ZNF451: variants seen among roughly 807,000 people sequenced by gnomAD.
The protein encoded by ZNF451 is E3 SUMO-protein ligase ZNF451.
ZNF451 carries 80 observed loss-of-function variants against 107.1 expected under a neutral mutation model. The observed-to-expected ratio is 0.75, with a 90% CI of 0.62 to 0.90. The LOEUF (loss-of-function observed/expected upper bound fraction) is 0.90. ZNF451 is among the 40% of genes least tolerant of loss of function. The probability of loss-of-function intolerance (pLI) is 0.00; values close to 1 mark genes in which losing one functional copy is unlikely to be tolerated. For missense variants in ZNF451, 1,107 were observed against 1,236.2 expected (o/e 0.90, Z 1.57); for synonymous variants, 362 against 406.5 (o/e 0.89, Z 1.32).
rs549236629 is a variant in ZNF451 at position 57,123,851 on chromosome 6, C to T, written c.187-883C>T. Among the ~76,000 whole-genome samples, 3 of 152,170 alleles carry T rather than the reference C, an allele frequency of 2.0e-5. No individual in the cohort carries two copies. The South Asian group carries it at 6.2e-4, about 32-fold the overall frequency. On this transcript the variant is annotated intron_variant, in intron 3 of 14. Coordinates refer to ENST00000370706, the MANE Select transcript of ZNF451 (RefSeq NM_001031623.3). ...TGCTGATATATATGAAATCAGTTGACTTGTGTATTAACCTTGTATCCTGCA... is the reference window on the plus strand; with the variant it reads ...TGCTGATATATATGAAATCAGTTGATTTGTGTATTAACCTTGTATCCTGCA...
At chr6:57,116,815 T>C (rs1465808564) in intron 3 of ZNF451, 1 of 151,442 alleles carries the variant, frequency 6.6e-6, no homozygotes, top group African/African-American at 2.4e-5. Flanking sequence ...AAGAAGAAAA[T>C]AGAACCAGGC....
At chr6:57,118,248 A>G (rs2127954471) in intron 3 of ZNF451, among the ~76,000 whole-genome samples, 1 of 151,746 alleles carries the variant, frequency 6.6e-6, no homozygotes, top group East Asian at 1.9e-4. Context: ...AGTAATTTAT[A>G]CCTTGTCCAC....
chr6:57,164,161 C>T (rs920703056), intron 14 of ZNF451, among the ~76,000 whole-genome samples: 1 of 152,170 alleles, frequency 6.6e-6, no homozygotes, highest in Non-Finnish European at 1.5e-5. Context: ...AATCTAGTTC[C>T]TTGTACTTGA....
intron 13 of ZNF451, among the ~76,000 whole-genome samples, chr6:57,155,163 T>G (rs1026423051): frequency 1.8e-4 from 28 of 152,272 alleles, no homozygotes; most frequent in Middle Eastern, 3.4e-3. Context: ...TCTGTGGCTT[T>G]CTTTTTTCTT....
intron 11 of ZNF451, 109 bp from the exon 12 acceptor site, chr6:57,152,112 T>C: frequency 1.0e-6 from 1 of 969,754 alleles, no homozygotes; most frequent in South Asian, 1.8e-5. Context: ...TCTGATCTAG[T>C]ACTTTGCCTC....
intron 5 of ZNF451, among the ~76,000 whole-genome samples, chr6:57,131,716 A>G (rs778705368): frequency 6.6e-6 from 1 of 152,210 alleles, no homozygotes; most frequent in Non-Finnish European, 1.5e-5. Context: ...TTAAGGGAAT[A>G]ATTCTATTTA....
In ZNF451 at chr6:57,142,109, T is replaced by C. The variant is rs1292633376; in HGVS notation, c.1004+14T>C. On this transcript the variant is annotated intron_variant, in intron 9 of 14. Transcript: ENST00000370706. ...TGCCCATTTCAGGTTTGTATTGGTC[T>C]GGAGCTGTAAAGGAATACGGATGAG... 2 of 1,595,074 alleles carry C rather than the reference T, an allele frequency of 1.3e-6. No homozygotes were observed. The highest frequency in any genetic ancestry group is 2.2e-5 in the East Asian group (1 of 44,526).
chr6:57,106,073 A>C (rs933941218), intron 3 of ZNF451: 1 of 985,228 alleles, frequency 1.0e-6, no homozygotes, highest in African/African-American at 1.7e-5. Flanking sequence ...GACCTGATTG[A>C]TAATGTCCTT....
intron 9 of ZNF451, among the ~76,000 whole-genome samples, chr6:57,145,094 A>G (rs1831996566): frequency 6.6e-6 from 1 of 152,226 alleles, no homozygotes; most frequent in African/African-American, 2.4e-5. Flanking sequence ...CTTTTGAAAT[A>G]TATTAAATGT....
At chr6:57,097,814 C>T (rs187364107) in intron 2 of ZNF451, among the ~76,000 whole-genome samples, 1 of 152,214 alleles carries the variant, frequency 6.6e-6, no homozygotes, top group Admixed American at 6.5e-5. Context: ...TACTTCAGCC[C>T]ATAGGAATGT....
At chr6:57,135,076 G>A (rs545124768) in intron 7 of ZNF451, among the ~76,000 whole-genome samples, 1 of 152,172 alleles carries the variant, frequency 6.6e-6, no homozygotes, top group African/African-American at 2.4e-5. Context: ...AGCAGTCCTA[G>A]AGATTATCAT....
intron 2 of ZNF451, among the ~76,000 whole-genome samples, chr6:57,098,763 A>G (rs933831500): frequency 1.3e-4 from 20 of 152,236 alleles, no homozygotes; most frequent in African/African-American, 4.8e-4. Flanking sequence ...CTGGATTATA[A>G]TATTTGTGTC....
intron 3 of ZNF451, among the ~76,000 whole-genome samples, chr6:57,113,786 T>C (rs1304656808): frequency 1.3e-5 from 2 of 151,996 alleles, no homozygotes; most frequent in South Asian, 4.1e-4. Context: ...CACACCCGGC[T>C]GATTTTTTGT....
Position 57,148,167 on chromosome 6 carries a change from T to C in ZNF451, c.2082T>C (p.Tyr694=), listed in dbSNP as rs367925465. ...SHYEEHHSID[Y]VFVSEKTETS... ...ATGAGGAGCACCACAGCATAGATTA[T>C]GTATTTGTGTCAGAAAAAACTGAAA... Residue 694 remains tyrosine, a synonymous_variant, in exon 10 of 15, where the codon TAT becomes TAC. Transcript: ENST00000370706. 1.9e-6 allele frequency: 3 copies of C among 1,614,096 alleles called. No homozygotes were observed. Among genetic ancestry groups the C allele is most frequent in the Non-Finnish European group, 2.5e-6 (3 of 1,179,986 alleles).
At chr6:57,128,572 A>G (rs1831036310) in intron 4 of ZNF451, among the ~76,000 whole-genome samples, 157 bp from the exon 5 acceptor site, 1 of 152,148 alleles carries the variant, frequency 6.6e-6, no homozygotes, top group Non-Finnish European at 1.5e-5. Flanking sequence ...TAGAGCGTGC[A>G]TTTTTATTTT....
chr6:57,129,846 C>T (rs1014223170), intron 5 of ZNF451, among the ~76,000 whole-genome samples: 1 of 152,004 alleles, frequency 6.6e-6, no homozygotes, highest in African/African-American at 2.4e-5. Flanking sequence ...GGGGTTTATA[C>T]GTGGCCAACA....
rs186035209 is a variant in ZNF451, at chr6:57,126,834, T to G, written c.313-1895T>G. 2.0e-4 allele frequency among the ~76,000 whole-genome samples: 30 copies of G among 152,344 alleles called. No individual in the cohort carries two copies. In the East Asian group the frequency reaches 5.4e-3, roughly 27 times the overall value. On this transcript the variant is annotated intron_variant, in intron 4 of 14. Coordinates refer to ENST00000370706, the MANE Select transcript of ZNF451 (RefSeq NM_001031623.3). ...TAGGATGATTTCAATAAGTGTTTTT[T>G]GAGCATTGACTATGCATGTTCATAG...
In ZNF451 at chr6:57,097,815, A is replaced by G. The variant is rs9475776; in HGVS notation, c.106-1246A>G. 4.5e-3 allele frequency among the ~76,000 whole-genome samples: 678 copies of G among 152,240 alleles called. 5 individuals carry two copies. Among genetic ancestry groups the G allele is most frequent in the African/African-American group, 0.016 (657 of 41,532 alleles). On this transcript the variant is annotated intron_variant, in intron 2 of 14. Coordinates refer to ENST00000370706, the MANE Select transcript of ZNF451 (RefSeq NM_001031623.3). ...CTGTGTACCACTGTTACTTCAGCCC[A>G]TAGGAATGTCAGCTTTCTGTTTCTG...
chr6:57,120,101 T>C (rs1490937247), intron 3 of ZNF451, among the ~76,000 whole-genome samples: 2 of 152,186 alleles, frequency 1.3e-5, no homozygotes, highest in Non-Finnish European at 2.9e-5. Context: ...TTGACTATCC[T>C]GTCAGTCACT....
Sources: allele counts gnomAD v4.1 joint callset (sites outside exome capture counted in the v4.1 genomes callset), GRCh38; gene constraint gnomAD v4.1.1; transcripts MANE v1.5; gene names NCBI Gene and HGNC (gene_info 2026-07-23, HGNC 2026-07-21).